The following RGS6 variants were observed in gnomAD, a reference collection of about 807,000 sequenced individuals.
RGS6 encodes regulator of G-protein signaling 6.
In RGS6, 30 loss-of-function variants were observed where a neutral mutation model predicts 78.5. The ratio of observed to expected loss-of-function variants is 0.38; its 90% CI spans 0.29 to 0.52. The LOEUF (loss-of-function observed/expected upper bound fraction) is 0.52. RGS6 is among the 20% of genes least tolerant of loss of function. The probability of loss-of-function intolerance (pLI) is 0.85; values close to 1 mark genes in which losing one functional copy is unlikely to be tolerated. For missense variants in RGS6, 495 were observed against 609.7 expected (o/e 0.81, Z 1.98); for synonymous variants, 206 against 206.0 (o/e 1.00, Z 0.00).
At chr14:72,092,542 C>T (rs1352017692) in intron 2 of RGS6, among the ~76,000 whole-genome samples, 1 of 152,024 alleles carries the variant, frequency 6.6e-6, no homozygotes, top group African/African-American at 2.4e-5. Context: ...CCACCACGCC[C>T]AGCTAATTTT....
intron 2 of RGS6, among the ~76,000 whole-genome samples, chr14:72,125,631 C>T (rs2096171248): frequency 1.3e-5 from 2 of 151,402 alleles, no homozygotes; most frequent in African/African-American, 2.4e-5. Flanking sequence ...GCAGTGTGGT[C>T]TATTGTGGGG....
chr14:72,313,843 A>G (rs950614625), intron 2 of RGS6, among the ~76,000 whole-genome samples: 19 of 152,226 alleles, frequency 1.2e-4, no homozygotes, highest in African/African-American at 4.3e-4. Context: ...TGCACTTCAC[A>G]GAAGATATTA....
Position 72,216,408 on chromosome 14 carries a change from G to A in RGS6, c.85-135687G>A, listed in dbSNP as rs188143508. On this transcript the variant is annotated intron_variant, in intron 2 of 17. Transcript: ENST00000553525. ...TTTATCCTAGCTCCAATTAGTTACC[G>A]CAGGTACAGCAAAACAAATGTAAGG... is the stretch of plus-strand genomic sequence containing the variant. Among the ~76,000 whole-genome samples, 143 of 152,272 alleles carry A rather than the reference G, an allele frequency of 9.4e-4. 1 individual carries two copies. The highest frequency in any genetic ancestry group is 3.2e-3 in the Admixed American group (49 of 15,288).
At position 72,171,254 on chromosome 14, in the gene RGS6, T is replaced by A. The variant is rs114821381; in HGVS notation, c.85-180841T>A. The stretch of plus-strand genomic sequence containing the variant: ...CACACACAAGAGGCACATGTACACA[T>A]GTATGGACCTGTGCATGAACACACA... On this transcript the variant is annotated intron_variant, in intron 2 of 17. Coordinates refer to ENST00000553525, the MANE Select transcript of RGS6 (RefSeq NM_001204424.2). Among the ~76,000 whole-genome samples, 692 of 152,262 alleles carry A rather than the reference T, an allele frequency of 4.5e-3. 7 individuals carry two copies. The highest frequency in any genetic ancestry group is 0.016 in the African/African-American group (655 of 41,558).
At chr14:72,083,903 G>A (rs1260057454) in intron 2 of RGS6, among the ~76,000 whole-genome samples, 2 of 152,132 alleles carry the variant, frequency 1.3e-5, no homozygotes, top group Non-Finnish European at 2.9e-5. Flanking sequence ...TACAGGTAGG[G>A]AGATCATTCA....
intron 1 of RGS6, among the ~76,000 whole-genome samples, chr14:71,959,202 T>G (rs2093016614): frequency 6.6e-6 from 1 of 152,204 alleles, no homozygotes; most frequent in African/African-American, 2.4e-5. Flanking sequence ...GCTGTTGTTC[T>G]TCCTTCTTTC....
intron 2 of RGS6, among the ~76,000 whole-genome samples, chr14:72,130,977 C>T (rs1484934876): frequency 6.6e-6 from 1 of 152,088 alleles, no homozygotes; most frequent in African/African-American, 2.4e-5. Context: ...TGCCTTGATC[C>T]CCTCTTGTGC....
At chr14:72,029,324 A>T (rs764318981) in intron 2 of RGS6, among the ~76,000 whole-genome samples, 1 of 152,178 alleles carries the variant, frequency 6.6e-6, no homozygotes, top group Non-Finnish European at 1.5e-5. Flanking sequence ...TTCTTTTGTC[A>T]TTTGGCCACA....
chr14:72,296,101 G>A (rs147049532), intron 2 of RGS6, among the ~76,000 whole-genome samples: 171 of 152,192 alleles, frequency 1.1e-3, no homozygotes, highest in African/African-American at 3.7e-3. Flanking sequence ...TTGTATAAAT[G>A]GAATCATACC....
Position 72,168,535 on chromosome 14 carries a change from G to A in RGS6, c.85-183560G>A, listed in dbSNP as rs58868301. On this transcript the variant is annotated intron_variant, in intron 2 of 17. Coordinates refer to ENST00000553525, the MANE Select transcript of RGS6 (RefSeq NM_001204424.2). ...AGACTTAATACAAAAAATAAAGGGCGTAAGATATCTCATCAATAATTTTTA... is the reference window on the plus strand; with the variant it reads ...AGACTTAATACAAAAAATAAAGGGCATAAGATATCTCATCAATAATTTTTA... 9.0e-3 allele frequency among the ~76,000 whole-genome samples: 1,373 copies of A among 152,318 alleles called. 16 individuals carry two copies. Among genetic ancestry groups the A allele is most frequent in the African/African-American group, 0.028 (1,151 of 41,556 alleles).
At chr14:72,257,335 T>TC (rs778324948) in intron 2 of RGS6, among the ~76,000 whole-genome samples, 1 of 152,242 alleles carries the variant, frequency 6.6e-6, no homozygotes, top group African/African-American at 2.4e-5. Flanking sequence ...CACTTGGTTC[T>TC]CAGCTTTAGT....
chr14:72,054,629 A>G lies in RGS6; in HGVS notation c.84+89754A>G, dbSNP rs756589478. On this transcript the variant is annotated intron_variant, in intron 2 of 17. Transcript: ENST00000553525. ...TCCTTTCATTTTACTTGTATTTGAA[A>G]TGAAAACCTGTGAGTGCAATGCCTA... Among the ~76,000 whole-genome samples the G allele has an allele frequency of 4.4e-4, 67 of 152,188 alleles. 2 individuals are homozygous for G. The highest frequency in any genetic ancestry group is 2.0e-4 in the Admixed American group (3 of 15,284).
At chr14:72,008,352 G>A (rs2084985261) in intron 2 of RGS6, among the ~76,000 whole-genome samples, 1 of 152,178 alleles carries the variant, frequency 6.6e-6, no homozygotes, top group South Asian at 2.1e-4. Context: ...TGAGGGTCTG[G>A]ACTTGGAACT....
At chr14:71,870,290 T>C in the RGS6 span, among the ~76,000 whole-genome samples, 2 of 152,216 alleles carry the variant, frequency 1.3e-5, no homozygotes, top group African/African-American at 2.4e-5. Flanking sequence ...TACATGAGTC[T>C]GATTCACCTA....
intron 2 of RGS6, among the ~76,000 whole-genome samples, chr14:72,115,183 C>A (rs746417542): frequency 9.2e-5 from 14 of 152,122 alleles, no homozygotes; most frequent in Non-Finnish European, 2.1e-4. Flanking sequence ...CCCTAGCGCT[C>A]GCTCAGGGTT....
the RGS6 span, among the ~76,000 whole-genome samples, chr14:72,584,505 T>A: frequency 6.6e-6 from 1 of 152,266 alleles, no homozygotes; most frequent in South Asian, 2.1e-4. Context: ...TGAAGCTGAA[T>A]GACAATCTGA....
intron 15 of RGS6, among the ~76,000 whole-genome samples, chr14:72,525,513 C>G (rs17116887): frequency 0.013 from 2,049 of 152,302 alleles, 42 homozygotes; most frequent in African/African-American, 0.047. Flanking sequence ...CCGCCATGAG[C>G]AGACAAGAAG....
At chr14:72,623,862 C>A in the RGS6 span, among the ~76,000 whole-genome samples, 1 of 152,044 alleles carries the variant, frequency 6.6e-6, no homozygotes, top group African/African-American at 2.4e-5. Flanking sequence ...AATTAGGAGT[C>A]CTGGGAGAAA....
intron 2 of RGS6, among the ~76,000 whole-genome samples, chr14:72,274,317 A>G (rs932038655): frequency 2.0e-5 from 3 of 152,172 alleles, no homozygotes; most frequent in African/African-American, 7.2e-5. Context: ...ACTCAGGTGC[A>G]TACCCCTGGG....
Sources: gnomAD v4.1 joint callset for allele counts (sites outside exome capture counted in the v4.1 genomes callset) on GRCh38, gnomAD v4.1.1 for gene constraint, MANE v1.5 for transcripts, NCBI Gene and HGNC (gene_info 2026-07-23, HGNC 2026-07-21) for gene names.